The following NFKBID variants were observed in gnomAD, a reference collection of about 807,000 sequenced individuals.
The protein encoded by NFKBID is NF-kappa-B inhibitor delta.
In NFKBID, 26 loss-of-function variants were observed where a neutral mutation model predicts 53.4. The observed-to-expected ratio is 0.49, with a 90% CI of 0.36 to 0.68. NFKBID has a LOEUF of 0.68. Ranked by LOEUF, NFKBID falls within the 30% of genes least tolerant of loss-of-function variation. The probability of loss-of-function intolerance (pLI) is 0.00; values close to 1 mark genes in which losing one functional copy is unlikely to be tolerated. For missense variants in NFKBID, 493 were observed against 614.1 expected (o/e 0.80, Z 2.08); for synonymous variants, 262 against 259.8 (o/e 1.01, Z -0.08).
At chr19:35,891,981 C>A (rs185759002) in intron 9 of NFKBID, among the ~76,000 whole-genome samples, 2 of 151,938 alleles carry the variant, frequency 1.3e-5, no homozygotes, top group Non-Finnish European at 2.9e-5. Context: ...CTACTGGGCT[C>A]GAGTGATCCT....
At chr19:35,895,897 G>T in intron 9 of NFKBID, 83 bp downstream of exon 9, 1 of 1,341,650 alleles carries the variant, frequency 7.5e-7, no homozygotes, top group Non-Finnish European at 1.0e-6. Flanking sequence ...GGCAAAGTCA[G>T]CATTTGCCTG....
exon 4 of NFKBID, chr19:35,897,767 C>T (rs1428967551): frequency 4.3e-6 from 7 of 1,610,340 alleles, no homozygotes; most frequent in Non-Finnish European, 5.9e-6. Context: ...TCAGTGTAGG[C>T]AGCATGCGTG....
At chr19:35,888,269 A>C (rs1974524160) in exon 12 of NFKBID, 1 of 387,396 alleles carries the variant, frequency 2.6e-6, no homozygotes, top group Non-Finnish European at 4.7e-6. Context: ...AACCCGAAAG[A>C]TCTCAGTGGG....
chr19:35,891,204 A>G (rs1195792721), intron 9 of NFKBID, among the ~76,000 whole-genome samples: 9 of 152,240 alleles, frequency 5.9e-5, no homozygotes, highest in Non-Finnish European at 1.3e-4. Flanking sequence ...ATACTGCACC[A>G]CAATATTGAG....
chr19:35,895,727 C>G (rs1265005683), intron 9 of NFKBID, among the ~76,000 whole-genome samples: 1 of 152,106 alleles, frequency 6.6e-6, no homozygotes, highest in Non-Finnish European at 1.5e-5. Flanking sequence ...TCACTTGAAC[C>G]CGGGATGCAG....
At chr19:35,889,121 C>T (rs755509294) in intron 11 of NFKBID, among the ~76,000 whole-genome samples, 4 of 148,720 alleles carry the variant, frequency 2.7e-5, no homozygotes, top group Non-Finnish European at 5.9e-5. Flanking sequence ...GAGGCCAAGG[C>T]GGGAGGATCA....
intron 2 of NFKBID, 37 bp downstream of exon 2, chr19:35,898,682 A>G (rs1002973885): frequency 2.0e-5 from 30 of 1,519,450 alleles, no homozygotes; most frequent in Non-Finnish European, 2.6e-5. Flanking sequence ...ACGGGACAGC[A>G]CGGGGCCTCC....
intron 1 of NFKBID, among the ~76,000 whole-genome samples, chr19:35,899,030 AC>A (rs928962799): frequency 6.6e-6 from 1 of 152,096 alleles, no homozygotes; most frequent in Admixed American, 6.6e-5. Context: ...TTTGCTCCGC[AC>A]TTTCCCTCTG....
intron 11 of NFKBID, among the ~76,000 whole-genome samples, chr19:35,888,966 A>T (rs1378541883): frequency 6.6e-6 from 1 of 150,398 alleles, no homozygotes; most frequent in Admixed American, 6.6e-5. Flanking sequence ...AATCACTTGA[A>T]CCTGGGAGGT....
chr19:35,900,827 C>CTTTCTTTTTTTTTTTTTTTTT (rs1975529581), upstream of NFKBID, among the ~76,000 whole-genome samples: 5 of 107,608 alleles, frequency 4.6e-5, no homozygotes, highest in African/African-American at 1.4e-4. Context: ...TTTTTCTTTT[C>CTTTCTTTTTTTTTTTTTTTTT]TTTTTTTTTT....
At chr19:35,900,935 C>T (rs147323851), upstream of NFKBID, among the ~76,000 whole-genome samples, 2,651 of 147,090 alleles carry the variant, frequency 0.018, 90 homozygotes, top group African/African-American at 0.063. Flanking sequence ...TGAATTAAAG[C>T]GATTCTCCTG....
chr19:35,894,207 C>T (rs1181190715), intron 9 of NFKBID, among the ~76,000 whole-genome samples: 2 of 151,760 alleles, frequency 1.3e-5, no homozygotes, highest in East Asian at 1.9e-4. Context: ...TGCAGTAAGC[C>T]GAGATCATGC....
Position 35,896,350 on chromosome 19 carries a change from G to A in NFKBID, c.831+42C>T. 6.2e-7 allele frequency: 1 copy of A among 1,614,070 alleles called. No individual in the cohort carries two copies. Among genetic ancestry groups the A allele is most frequent in the Non-Finnish European group, 8.5e-7 (1 of 1,179,952 alleles). On this transcript the variant is annotated intron_variant, in intron 7 of 11. Transcript: ENST00000641389. The surrounding 1 kb of genome is among the most constrained non-coding windows in gnomAD (Gnocchi z 5.7). ...CTGGAAGCCAAAATCTGGGCAACCA[G>A]TCTACCCCCCAGACAAACCCCTGCC...
At chr19:35,893,878 G>A (rs1402838665) in intron 9 of NFKBID, among the ~76,000 whole-genome samples, 2 of 151,554 alleles carry the variant, frequency 1.3e-5, no homozygotes, top group Non-Finnish European at 2.9e-5. Flanking sequence ...CTGGCCATGA[G>A]TGGCTGGTTA....
intron 9 of NFKBID, 50 bp from the exon 10 acceptor site, chr19:35,890,540 C>T (rs374358512): frequency 2.4e-6 from 3 of 1,258,108 alleles, no homozygotes; most frequent in Non-Finnish European, 3.5e-6. Context: ...CACCTAGGTG[C>T]CCTCCCACAG....
chr19:35,889,911 C>A, exon 11 of NFKBID: 1 of 1,609,976 alleles, frequency 6.2e-7, no homozygotes, highest in Non-Finnish European at 8.5e-7. Flanking sequence ...CCGGCCCGGG[C>A]CGCAGCAGGT....
chr19:35,896,630 C>G lies in NFKBID; in HGVS notation c.685-92G>C. ...CCCCATCCCCCCTCAGCCCCAGGAG[C>G]TCACCCCCCATTCCCCTCTTCTCTA... On this transcript the variant is annotated intron_variant, in intron 6 of 11. Transcript: ENST00000641389. The surrounding 1 kb of genome is among the most constrained non-coding windows in gnomAD (Gnocchi z 5.7). 7.5e-7 allele frequency: 1 copy of G among 1,339,188 alleles called. No homozygotes were observed. The highest frequency in any genetic ancestry group is 1.1e-6 in the Non-Finnish European group (1 of 944,138). The allele number at this position is 1,339,188 out of a possible 1,614,324, so 83.0% of individuals were successfully genotyped here.
exon 10 of NFKBID, chr19:35,890,405 C>G (rs567952756): frequency 6.2e-7 from 1 of 1,613,754 alleles, no homozygotes; most frequent in Non-Finnish European, 8.5e-7. Flanking sequence ...CAGGTCTCCC[C>G]GGGGCAGCTC....
rs1310354839 is a variant in NFKBID, at chr19:35,896,177, A to T, written c.883+41T>A. On this transcript the variant is annotated intron_variant, in intron 8 of 11. Transcript: ENST00000641389. The surrounding 1 kb of genome is among the most constrained non-coding windows in gnomAD (Gnocchi z 5.7). Reference sequence around the variant, plus strand: ...ACCCGCATCTGCACCCACCTCGCCCAGCCACACCAACCACACCAGCCCTGC... The same window carrying T: ...ACCCGCATCTGCACCCACCTCGCCCTGCCACACCAACCACACCAGCCCTGC... 6.2e-7 allele frequency: 1 copy of T among 1,613,984 alleles called. No homozygotes were observed. The highest frequency in any genetic ancestry group is 2.2e-5 in the East Asian group (1 of 44,896).
Sources: gnomAD v4.1 joint callset for allele counts (sites outside exome capture counted in the v4.1 genomes callset) on GRCh38, gnomAD v4.1.1 for gene constraint, Gnocchi (gnomAD v3.1) non-coding constraint, MANE v1.5 for transcripts, NCBI Gene and HGNC (gene_info 2026-07-23, HGNC 2026-07-21) for gene names.